KANSL1L: variants seen among roughly 807,000 people sequenced by gnomAD.
KANSL1L encodes KAT8 regulatory NSL complex subunit 1-like protein.
In KANSL1L, 25 loss-of-function variants were observed where a neutral mutation model predicts 108.6. The observed-to-expected ratio is 0.23, with a 90% CI of 0.17 to 0.32. KANSL1L has a LOEUF of 0.32. Ranked by LOEUF, KANSL1L falls within the 10% of genes least tolerant of loss-of-function variation. The pLI is 1.00. For missense variants in KANSL1L, 1,137 were observed against 1,125.7 expected, an observed-to-expected ratio of 1.01 and a Z score of -0.14; for synonymous variants, 405 against 395.1, an observed-to-expected ratio of 1.03 and a Z score of -0.30.
chr2:210,044,174 T>C lies in KANSL1L; in HGVS notation c.1756-70A>G. ...TAAATGGCATATCTCTACATTTATT[T>C]AGGTTATCTTTAAATAAAATTTTCC... On this transcript the variant is annotated intron_variant, in intron 6 of 14. Transcript: ENST00000281772. The surrounding 1 kb of genome is among the most constrained non-coding windows in gnomAD (Gnocchi z 4.2). 1 of 1,051,398 alleles carries C rather than the reference T, an allele frequency of 9.5e-7. No homozygotes were observed. The allele number at this position is 1,051,398 out of a possible 1,614,324, so 65.1% of individuals were successfully genotyped here. A position where few individuals can be genotyped will look rare whatever the true frequency, so the allele number is the denominator to read the frequency against.
chr2:210,162,100 CATAT>C (rs1237317430), intron 1 of KANSL1L, among the ~76,000 whole-genome samples: 1 of 147,788 alleles, frequency 6.8e-6, no homozygotes, highest in South Asian at 2.1e-4. Context: ...CACACACACA[CATAT>C]ATTTTTATCC....
chr2:210,135,000 A>G (rs2125565845), intron 2 of KANSL1L, among the ~76,000 whole-genome samples: 1 of 152,268 alleles, frequency 6.6e-6, no homozygotes, highest in Non-Finnish European at 1.5e-5. Flanking sequence ...GACAAATGAC[A>G]AGGGAGCTTA....
intron 6 of KANSL1L, among the ~76,000 whole-genome samples, chr2:210,061,787 G>A (rs184185467): frequency 1.7e-3 from 253 of 152,206 alleles, no homozygotes; most frequent in Non-Finnish European, 3.0e-3. Flanking sequence ...TAGAAACTAC[G>A]TGAAGTTTTA....
intron 14 of KANSL1L, 84 bp from the exon 15 acceptor site, chr2:210,023,263 A>T (rs2093885974): frequency 3.4e-6 from 3 of 873,844 alleles, no homozygotes; most frequent in Non-Finnish European, 5.4e-6. Flanking sequence ...ACATGTCTAT[A>T]TTGTAATAAT....
At chr2:210,105,960 T>A (rs1046625796) in intron 3 of KANSL1L, among the ~76,000 whole-genome samples, 2 of 152,266 alleles carry the variant, frequency 1.3e-5, no homozygotes, top group South Asian at 2.1e-4. Context: ...CTTGAGAGTA[T>A]CCATTCAAAA....
intron 5 of KANSL1L, among the ~76,000 whole-genome samples, chr2:210,097,574 T>C (rs975130740): frequency 1.3e-5 from 2 of 152,136 alleles, no homozygotes; most frequent in Admixed American, 6.6e-5. Context: ...TTTTTGCTAA[T>C]ATAGATAAAT....
intron 6 of KANSL1L, among the ~76,000 whole-genome samples, chr2:210,075,306 G>A (rs1203696988): frequency 1.3e-5 from 2 of 151,832 alleles, no homozygotes; most frequent in Non-Finnish European, 2.9e-5. Flanking sequence ...AGGCATAATA[G>A]ATCTTTAAAA....
intron 5 of KANSL1L, among the ~76,000 whole-genome samples, chr2:210,092,028 G>C (rs1486822123): frequency 6.6e-6 from 1 of 152,154 alleles, no homozygotes; most frequent in Non-Finnish European, 1.5e-5. Flanking sequence ...TGAGAAGTCA[G>C]CTATCCGTCT....
intron 6 of KANSL1L, among the ~76,000 whole-genome samples, chr2:210,047,101 T>TTCTATTG (rs1559512481): frequency 1.3e-5 from 2 of 151,862 alleles, no homozygotes; most frequent in African/African-American, 2.4e-5. Flanking sequence ...TTCAGGGCCA[T>TTCTATTG]TCTTCTATTG....
intron 2 of KANSL1L, among the ~76,000 whole-genome samples, chr2:210,147,148 T>C (rs376043582): frequency 5.3e-5 from 8 of 152,224 alleles, no homozygotes; most frequent in African/African-American, 1.7e-4. Flanking sequence ...CCCTCAAAGA[T>C]GTCCACATGC....
At chr2:210,063,993 T>A (rs2125285721) in intron 6 of KANSL1L, 1 of 152,224 alleles carries the variant, frequency 6.6e-6, no homozygotes, top group Middle Eastern at 3.4e-3. Flanking sequence ...AATTCCCACA[T>A]GTTGTGGGAG....
intron 1 of KANSL1L, among the ~76,000 whole-genome samples, chr2:210,157,572 T>C (rs1365053381): frequency 2.0e-5 from 3 of 150,130 alleles, no homozygotes; most frequent in East Asian, 4.0e-4. Context: ...GTGCCAGTGG[T>C]CCCAGCTACT....
intron 5 of KANSL1L, among the ~76,000 whole-genome samples, chr2:210,079,650 A>ATATATAAGTATGTG (rs2094571057): frequency 5.1e-5 from 1 of 19,542 alleles, no homozygotes; most frequent in African/African-American, 1.7e-4. Flanking sequence ...ATATATATAT[A>ATATATAAGTATGTG]TATATATATA....
At chr2:210,102,064 T>C (rs2094798819) in intron 4 of KANSL1L, among the ~76,000 whole-genome samples, 1 of 152,228 alleles carries the variant, frequency 6.6e-6, no homozygotes, top group Admixed American at 6.5e-5. Context: ...TCCCCATTTC[T>C]TGTTTTTGTC....
chr2:210,111,117 T>C (rs980896438), intron 3 of KANSL1L, among the ~76,000 whole-genome samples: 7 of 149,670 alleles, frequency 4.7e-5, no homozygotes, highest in Non-Finnish European at 8.9e-5. Context: ...GTCTCAAAAA[T>C]ATAAAAGAAA....
chr2:210,073,634 T>C (rs2094522432), intron 6 of KANSL1L, among the ~76,000 whole-genome samples: 1 of 152,114 alleles, frequency 6.6e-6, no homozygotes, highest in Non-Finnish European at 1.5e-5. Context: ...TTGGACAGTA[T>C]AGATTTATAG....
At chr2:210,034,366 C>G (rs568717353) in intron 8 of KANSL1L, among the ~76,000 whole-genome samples, 14 of 152,202 alleles carry the variant, frequency 9.2e-5, no homozygotes, top group African/African-American at 3.4e-4. Flanking sequence ...TAGCTGATAG[C>G]TAGGGGAAGG....
At chr2:210,084,677 G>A (rs993021201) in intron 5 of KANSL1L, among the ~76,000 whole-genome samples, 1 of 151,208 alleles carries the variant, frequency 6.6e-6, no homozygotes, top group African/African-American at 2.4e-5. Context: ...GCATTGGCAC[G>A]ATCTCGGCTC....
chr2:210,048,622 T>C (rs1415532315), intron 6 of KANSL1L, among the ~76,000 whole-genome samples: 1 of 152,186 alleles, frequency 6.6e-6, no homozygotes, highest in African/African-American at 2.4e-5. Flanking sequence ...AGAGATTTAT[T>C]TTGTATATTC....
Sources: allele counts gnomAD v4.1 joint callset (sites outside exome capture counted in the v4.1 genomes callset), GRCh38; gene constraint gnomAD v4.1.1; non-coding constraint Gnocchi (gnomAD v3.1); transcripts MANE v1.5; gene names NCBI Gene and HGNC (gene_info 2026-07-23, HGNC 2026-07-21).